The following ADAMTSL1 variants were observed in gnomAD, a reference collection of about 807,000 sequenced individuals.
ADAMTSL1 encodes ADAMTS-like protein 1.
In ADAMTSL1, 126 loss-of-function variants were observed where a neutral mutation model predicts 201.8. The observed-to-expected ratio is 0.62, with a 90% CI of 0.54 to 0.72. The LOEUF is 0.72. ADAMTSL1 is among the 30% of genes least tolerant of loss of function. ADAMTSL1 has a pLI of 0.00. For missense variants in ADAMTSL1, 2,679 were observed against 2,277.8 expected (o/e 1.18, Z -3.59); for synonymous variants, 1,121 against 903.4 (o/e 1.24, Z -4.32).
rs1824563631 is a variant in ADAMTSL1, at chr9:18,826,378, G to T, written c.4029G>T (p.Val1343=). The T allele has an allele frequency of 6.2e-7, 1 of 1,613,598 alleles. No individual in the cohort carries two copies. Among genetic ancestry groups the T allele is most frequent in the East Asian group, 2.2e-5 (1 of 44,856 alleles). ...AAGGCTCCTTGCTGCTCACAAACGT[G>T]TCCTCCTCGGATCAGGGCCTGTACT... ...LHEGSLLLTN[V]SSSDQGLYSC... is the part of the protein sequence containing the mutation. Residue 1343 remains valine (V), a synonymous_variant, in exon 22 of 29, where the codon GTG becomes GTT. Transcript: ENST00000380548.
At chr9:18,024,972 AGAT>A (rs1820631935) in intron 1 of ADAMTSL1, among the ~76,000 whole-genome samples, 1 of 152,144 alleles carries the variant, frequency 6.6e-6, no homozygotes. Flanking sequence ...ACTGCTGTTA[AGAT>A]GATATCTCTT....
rs115612576 is a variant in ADAMTSL1 at position 18,797,782 on chromosome 9, G to A, written c.3805+2258G>A. 3.2e-3 allele frequency among the ~76,000 whole-genome samples: 487 copies of A among 152,254 alleles called. 4 individuals carry two copies. Among genetic ancestry groups the A allele is most frequent in the African/African-American group, 0.011 (462 of 41,550 alleles). ...GTTGTGAGGTTAAGTAAGATTGCACGTGTGAAAAAGCACTTAACCCAATGC... is the reference window on the plus strand; with the variant it reads ...GTTGTGAGGTTAAGTAAGATTGCACATGTGAAAAAGCACTTAACCCAATGC... On this transcript the variant is annotated intron_variant, in intron 20 of 28. Coordinates refer to ENST00000380548, the MANE Select transcript of ADAMTSL1 (RefSeq NM_001040272.6).
At chr9:18,199,275 A>G (rs561931958) in intron 2 of ADAMTSL1, among the ~76,000 whole-genome samples, 1 of 152,214 alleles carries the variant, frequency 6.6e-6, no homozygotes, top group South Asian at 2.1e-4. Context: ...TAAAAAAAGA[A>G]AAAAAGTACG....
intron 1 of ADAMTSL1, among the ~76,000 whole-genome samples, chr9:18,149,381 G>T (rs1451904759): frequency 6.6e-6 from 1 of 152,026 alleles, no homozygotes; most frequent in Non-Finnish European, 1.5e-5. Flanking sequence ...AATGGTTGGA[G>T]ACGAGTCTAT....
chr9:18,844,150 C>A (rs1825928128), intron 23 of ADAMTSL1, among the ~76,000 whole-genome samples: 1 of 152,054 alleles, frequency 6.6e-6, no homozygotes, highest in Non-Finnish European at 1.5e-5. Context: ...TCTGTTTTTT[C>A]CCTATCTTTG....
At chr9:18,194,483 G>C (rs868024146) in intron 2 of ADAMTSL1, among the ~76,000 whole-genome samples, 21 of 152,198 alleles carry the variant, frequency 1.4e-4, no homozygotes, top group Middle Eastern at 3.4e-3. Flanking sequence ...AGTTGTGCCA[G>C]TAACAATGTT....
chr9:18,227,644 A>G (rs979787666), intron 2 of ADAMTSL1, among the ~76,000 whole-genome samples: 1 of 152,142 alleles, frequency 6.6e-6, no homozygotes, highest in African/African-American at 2.4e-5. Flanking sequence ...TCTTTTTCAC[A>G]AAGGCTTTTC....
chr9:18,033,321 A>G (rs898569889), intron 1 of ADAMTSL1, among the ~76,000 whole-genome samples: 2 of 152,208 alleles, frequency 1.3e-5, no homozygotes, highest in South Asian at 2.1e-4. Flanking sequence ...CTCATTCCAC[A>G]GTGTGTACAC....
At chr9:18,666,099 C>T (rs1012660770) in intron 9 of ADAMTSL1, among the ~76,000 whole-genome samples, 2 of 152,108 alleles carry the variant, frequency 1.3e-5, no homozygotes, top group Non-Finnish European at 1.5e-5. Context: ...CATAGTAACT[C>T]GACATTGTGC....
chr9:18,045,135 G>A (rs1395427012), intron 1 of ADAMTSL1, among the ~76,000 whole-genome samples: 1 of 152,002 alleles, frequency 6.6e-6, no homozygotes, highest in Non-Finnish European at 1.5e-5. Context: ...AAAGAAAGGA[G>A]GTTCTATTAG....
intron 1 of ADAMTSL1, among the ~76,000 whole-genome samples, chr9:18,143,518 G>A (rs991628071): frequency 5.3e-5 from 8 of 151,586 alleles, no homozygotes; most frequent in Admixed American, 1.3e-4. Flanking sequence ...TTTTAAAGCC[G>A]GGTTTTTTGT....
intron 7 of ADAMTSL1, among the ~76,000 whole-genome samples, chr9:18,648,287 A>G (rs1345486294): frequency 7.0e-6 from 1 of 143,708 alleles, no homozygotes; most frequent in African/African-American, 2.5e-5. Flanking sequence ...GTGTCTCTGC[A>G]TGTGAGATGG....
chr9:18,334,347 G>A (rs1835145266), intron 2 of ADAMTSL1, among the ~76,000 whole-genome samples: 1 of 152,134 alleles, frequency 6.6e-6, no homozygotes, highest in Non-Finnish European at 1.5e-5. Context: ...CAGCTCCTTA[G>A]CAAATGCTTG....
intron 2 of ADAMTSL1, among the ~76,000 whole-genome samples, chr9:18,404,925 G>A (rs1818125918): frequency 6.6e-6 from 1 of 151,972 alleles, no homozygotes; most frequent in Non-Finnish European, 1.5e-5. Flanking sequence ...AGCTTCTTTG[G>A]TTCATCTCTC....
intron 1 of ADAMTSL1, among the ~76,000 whole-genome samples, chr9:18,012,719 TC>T (rs1820102935): frequency 1.3e-5 from 2 of 151,768 alleles, no homozygotes; most frequent in Non-Finnish European, 2.9e-5. Flanking sequence ...AGATGGGGAG[TC>T]CCCTAGAATA....
chr9:18,377,326 G>A (rs1011941625), intron 2 of ADAMTSL1, among the ~76,000 whole-genome samples: 9 of 152,174 alleles, frequency 5.9e-5, no homozygotes, highest in Non-Finnish European at 1.2e-4. Flanking sequence ...GCTATAGTAG[G>A]CACTCAGTGA....
At chr9:18,056,430 C>G (rs1199082184) in intron 1 of ADAMTSL1, among the ~76,000 whole-genome samples, 1 of 152,048 alleles carries the variant, frequency 6.6e-6, no homozygotes, top group Admixed American at 6.6e-5. Flanking sequence ...ACAGCAGCAG[C>G]TGAGAAGTTA....
At chr9:17,907,616 G>A (rs1484647278) in intron 1 of ADAMTSL1, among the ~76,000 whole-genome samples, 1 of 152,188 alleles carries the variant, frequency 6.6e-6, no homozygotes, top group African/African-American at 2.4e-5. Context: ...TCTCCAGGGT[G>A]GGAAATTCAG....
intron 2 of ADAMTSL1, among the ~76,000 whole-genome samples, chr9:18,420,397 C>A (rs933700186): frequency 6.6e-6 from 1 of 152,146 alleles, no homozygotes; most frequent in Non-Finnish European, 1.5e-5. Flanking sequence ...GCATGGAATT[C>A]TTTATATGGT....
Sources: allele counts gnomAD v4.1 joint callset (sites outside exome capture counted in the v4.1 genomes callset), GRCh38; gene constraint gnomAD v4.1.1; transcripts MANE v1.5; gene names NCBI Gene and HGNC (gene_info 2026-07-23, HGNC 2026-07-21).